Variants in PTPRD observed in about 807,000 individuals in gnomAD.
PTPRD encodes receptor-type tyrosine-protein phosphatase delta.
In PTPRD, 34 loss-of-function variants were observed where a neutral mutation model predicts 214.5. The observed-to-expected ratio is 0.16, with a 90% CI of 0.12 to 0.21. The LOEUF (loss-of-function observed/expected upper bound fraction) is 0.21. PTPRD is among the 10% of genes least tolerant of loss of function. The pLI is 1.00. For missense variants in PTPRD, 2,545 were observed against 2,398.7 expected (o/e 1.06, Z -1.27); for synonymous variants, 1,128 against 845.7 (o/e 1.33, Z -5.79).
At chr9:9,963,745 G>T (rs1464028965) in intron 4 of PTPRD, among the ~76,000 whole-genome samples, 1 of 152,090 alleles carries the variant, frequency 6.6e-6, no homozygotes, top group Admixed American at 6.6e-5. Context: ...AAGCTTTAGA[G>T]GTGATATATG....
At chr9:8,800,459 T>G (rs1440593159) in intron 11 of PTPRD, among the ~76,000 whole-genome samples, 1 of 152,116 alleles carries the variant, frequency 6.6e-6, no homozygotes, top group Non-Finnish European at 1.5e-5. Flanking sequence ...AAAAACAGCT[T>G]GCAGTAAAGA....
At chr9:9,393,509 T>C (rs192406162) in intron 9 of PTPRD, among the ~76,000 whole-genome samples, 61 of 152,286 alleles carry the variant, frequency 4.0e-4, no homozygotes, top group African/African-American at 1.4e-3. Flanking sequence ...TAGCTGAATA[T>C]AGTTGCATGA....
intron 8 of PTPRD, among the ~76,000 whole-genome samples, chr9:9,548,412 T>TC (rs2079348955): frequency 2.0e-5 from 3 of 148,702 alleles, no homozygotes; most frequent in African/African-American, 4.9e-5. Context: ...TTTCTTTTTT[T>TC]TTTTTTTTTT....
rs545014213 is a variant in PTPRD, at chr9:8,550,438, A to C, written c.353-21659T>G. Among the ~76,000 whole-genome samples, 349 of 152,342 alleles carry C rather than the reference A, an allele frequency of 2.3e-3. 2 individuals are homozygous for C. Among genetic ancestry groups the C allele is most frequent in the African/African-American group, 6.8e-3 (282 of 41,588 alleles). The stretch of plus-strand genomic sequence containing the variant: ...ATTGTATGAGATTAACAGTAAAATC[A>C]AAACTATATTCTGCATTATTTATTA... On this transcript the variant is annotated intron_variant, in intron 14 of 45. Transcript: ENST00000381196.
intron 8 of PTPRD, among the ~76,000 whole-genome samples, chr9:9,520,619 CAACA>C (rs2096947508): frequency 6.6e-6 from 1 of 152,150 alleles, no homozygotes; most frequent in African/African-American, 2.4e-5. Context: ...GGAATATGGT[CAACA>C]AACAGTTATC....
At chr9:10,074,620 C>T (rs2098100175) in intron 3 of PTPRD, among the ~76,000 whole-genome samples, 1 of 152,056 alleles carries the variant, frequency 6.6e-6, no homozygotes, top group African/African-American at 2.4e-5. Flanking sequence ...CCCACTAAAG[C>T]CCATGGATAG....
At chr9:9,611,208 T>C (rs1167746528) in intron 7 of PTPRD, among the ~76,000 whole-genome samples, 1 of 152,184 alleles carries the variant, frequency 6.6e-6, no homozygotes, top group African/African-American at 2.4e-5. Context: ...TGAACATCTC[T>C]GCACATAAAG....
intron 5 of PTPRD, among the ~76,000 whole-genome samples, chr9:9,904,414 G>A (rs1397531435): frequency 6.6e-6 from 1 of 151,986 alleles, no homozygotes; most frequent in Non-Finnish European, 1.5e-5. Flanking sequence ...TTTTCAAATT[G>A]AAATCTTTGT....
chr9:10,092,128 T>A (rs1385731837), intron 3 of PTPRD, among the ~76,000 whole-genome samples: 1 of 151,418 alleles, frequency 6.6e-6, no homozygotes, highest in African/African-American at 2.4e-5. Context: ...AAGTTGACAG[T>A]AGAACTTAAG....
At chr9:8,481,593 A>G (rs955774935) in intron 30 of PTPRD, among the ~76,000 whole-genome samples, 1 of 151,974 alleles carries the variant, frequency 6.6e-6, no homozygotes, top group Non-Finnish European at 1.5e-5. Flanking sequence ...GCTCTGGCTC[A>G]GTTCTCCTGT....
At chr9:9,756,624 G>T (rs950642642) in intron 6 of PTPRD, among the ~76,000 whole-genome samples, 2 of 152,042 alleles carry the variant, frequency 1.3e-5, no homozygotes, top group African/African-American at 4.8e-5. Context: ...TTTCCTTTGG[G>T]GTAATGAAAA....
intron 8 of PTPRD, among the ~76,000 whole-genome samples, chr9:9,431,857 A>G (rs1290988759): frequency 1.5e-5 from 2 of 134,070 alleles, no homozygotes; most frequent in Admixed American, 1.7e-4. Context: ...GAAAAATGAG[A>G]ACACTTGGAC....
At chr9:9,762,998 G>GCCA (rs2098673351) in intron 6 of PTPRD, among the ~76,000 whole-genome samples, 1 of 152,146 alleles carries the variant, frequency 6.6e-6, no homozygotes, top group Admixed American at 6.5e-5. Context: ...ATCTTGCTGT[G>GCCA]TGTTCACATG....
intron 8 of PTPRD, among the ~76,000 whole-genome samples, chr9:9,405,620 C>T (rs185781488): frequency 2.6e-5 from 4 of 152,036 alleles, no homozygotes; most frequent in African/African-American, 7.2e-5. Flanking sequence ...AGTTATAGTT[C>T]GGGTTTGTGC....
At chr9:8,452,851 G>C (rs1032899624) in intron 33 of PTPRD, among the ~76,000 whole-genome samples, 2 of 152,176 alleles carry the variant, frequency 1.3e-5, no homozygotes, top group Middle Eastern at 3.2e-3. Flanking sequence ...AAAAAACAAA[G>C]AGAAGTTGAG....
At chr9:10,249,654 T>C (rs2092587022) in intron 3 of PTPRD, among the ~76,000 whole-genome samples, 1 of 152,216 alleles carries the variant, frequency 6.6e-6, no homozygotes, top group Non-Finnish European at 1.5e-5. Flanking sequence ...CACATTTTCC[T>C]ATTGGTTTGT....
chr9:10,278,564 G>C (rs181047973), intron 3 of PTPRD, among the ~76,000 whole-genome samples: 5 of 152,272 alleles, frequency 3.3e-5, no homozygotes, highest in African/African-American at 1.2e-4. Context: ...GTGCCTATGT[G>C]TGTGTGTGTT....
At chr9:8,992,221 A>G (rs1361887676) in intron 11 of PTPRD, among the ~76,000 whole-genome samples, 2 of 152,302 alleles carry the variant, frequency 1.3e-5, no homozygotes, top group East Asian at 3.9e-4. Flanking sequence ...AAGTGTAAAC[A>G]TATCAAACTG....
In PTPRD at chr9:8,485,860, G is replaced by T. The variant is rs778486665; in HGVS notation, c.2957C>A (p.Pro986Gln). Residue 986 changes from proline (P) to glutamine (Q), a missense_variant, in exon 28 of 46, where the codon CCA becomes CAA. Pro to Gln is a moderately conservative substitution (Grantham distance 76, BLOSUM62 -1). Transcript: ENST00000381196. ...DTTMTLTGLK[P>Q]DTTYDVKVRA... ...TACTTTTACATCGTATGTGGTATCTGGTTTTAAGCCAGTGAGTGTCATAGT... is the reference window on the plus strand; with the variant it reads ...TACTTTTACATCGTATGTGGTATCTTGTTTTAAGCCAGTGAGTGTCATAGT... 2 of 1,614,142 alleles carry T rather than the reference G, an allele frequency of 1.2e-6. No homozygotes were observed. The highest frequency in any genetic ancestry group is 2.2e-5 in the South Asian group (2 of 91,080).
Sources: gnomAD v4.1 joint callset for allele counts (sites outside exome capture counted in the v4.1 genomes callset) on GRCh38, gnomAD v4.1.1 for gene constraint, MANE v1.5 for transcripts, NCBI Gene and HGNC (gene_info 2026-07-23, HGNC 2026-07-21) for gene names.